SAP130: variants seen among roughly 807,000 people sequenced by gnomAD.
SAP130 encodes the protein histone deacetylase complex subunit SAP130.
SAP130 carries 16 observed loss-of-function variants against 103.2 expected under a neutral mutation model. The observed-to-expected ratio is 0.16, with a 90% CI of 0.10 to 0.24. The LOEUF is 0.24. SAP130 is among the 10% of genes least tolerant of loss of function. The pLI is 1.00. For missense variants in SAP130, 990 were observed against 1,359.7 expected (o/e 0.73, Z 4.28); for synonymous variants, 477 against 497.0 (o/e 0.96, Z 0.53).
chr2:127,957,413 G>T (rs549345110), intron 15 of SAP130, among the ~76,000 whole-genome samples: 1 of 152,214 alleles, frequency 6.6e-6, no homozygotes, highest in South Asian at 2.1e-4. Context: ...GGTGACTCAC[G>T]CCTATAATCC....
rs1365111729 is a variant in SAP130 at position 127,989,006 on chromosome 2, T to C, written c.1780+558A>G. ...AAATCTTCAATGAGAATACTACTTA[T>C]AAGGTGAATTTTTTCCCACAACTAG... On this transcript the variant is annotated intron_variant, in intron 13 of 20. Coordinates refer to ENST00000643581, the MANE Select transcript of SAP130 (RefSeq NM_001330301.2). The surrounding 1 kb of genome is among the most constrained non-coding windows in gnomAD (Gnocchi z 4.6). 6.6e-6 allele frequency among the ~76,000 whole-genome samples: 1 copy of C among 152,168 alleles called. No individual in the cohort carries two copies. Among genetic ancestry groups the C allele is most frequent in the Non-Finnish European group, 1.5e-5 (1 of 68,036 alleles).
At chr2:127,954,789 G>T (rs894237894) in intron 16 of SAP130, among the ~76,000 whole-genome samples, 197 bp downstream of exon 16, 10 of 152,142 alleles carry the variant, frequency 6.6e-5, no homozygotes, top group African/African-American at 1.2e-4. Context: ...TATTACAAAA[G>T]GGAAGCAAAG....
intron 3 of SAP130, among the ~76,000 whole-genome samples, chr2:128,016,779 C>T (rs1684819089): frequency 6.6e-6 from 1 of 152,198 alleles, no homozygotes; most frequent in Admixed American, 6.5e-5. Flanking sequence ...AAGCCACACA[C>T]ACAGTAAGAA....
chr2:127,989,672 C>G lies in SAP130; in HGVS notation c.1672G>C (p.Ala558Pro), dbSNP rs1439546734. Residue 558 changes from alanine (A) to proline (P), a missense_variant, in exon 13 of 21, where the codon GCA (alanine) becomes CCA (proline). Physicochemically the swap from Ala to Pro is conservative, Grantham distance 27. Coordinates refer to ENST00000643581, the MANE Select transcript of SAP130 (RefSeq NM_001330301.2). The surrounding 1 kb of genome is among the most constrained non-coding windows in gnomAD (Gnocchi z 4.6). The part of the protein sequence containing the change: ...APIGTPGIQP[A>P]PLGTQGIHSA... ...TGAATTCCCTGTGTGCCAAGTGGTG[C>G]AGGCTGTATCCCTGGGGTCCCAATG... is the stretch of plus-strand genomic sequence containing the variant. 6.2e-7 allele frequency: 1 copy of G among 1,614,200 alleles called. No individual in the cohort carries two copies.
chr2:127,954,021 C>A (rs1414304212), intron 16 of SAP130, among the ~76,000 whole-genome samples: 1 of 152,172 alleles, frequency 6.6e-6, no homozygotes, highest in Non-Finnish European at 1.5e-5. Context: ...CTGGAATAGA[C>A]TCCTATAGGT....
intron 15 of SAP130, among the ~76,000 whole-genome samples, chr2:127,967,157 G>C (rs928850374): frequency 2.0e-5 from 3 of 152,136 alleles, no homozygotes; most frequent in African/African-American, 7.2e-5. Flanking sequence ...TTTCAGTTAA[G>C]CAAAATGAAG....
chr2:127,996,908 C>T lies in SAP130; in HGVS notation c.1214-417G>A, dbSNP rs1683213148. Among the ~76,000 whole-genome samples the T allele has an allele frequency of 6.6e-6, 1 of 151,984 alleles. No individual in the cohort carries two copies. The highest frequency in any genetic ancestry group is 1.5e-5 in the Non-Finnish European group (1 of 68,010). On this transcript the variant is annotated intron_variant, in intron 10 of 20. Transcript: ENST00000643581. The surrounding 1 kb of genome is among the most constrained non-coding windows in gnomAD (Gnocchi z 4.3). ...CTCCAGCCTCACTCACAGACTGGGA[C>T]CCTGTCTCAAAATAAATAAATAAAC... is the stretch of plus-strand genomic sequence containing the variant.
intron 15 of SAP130, among the ~76,000 whole-genome samples, chr2:127,963,644 C>A (rs538022305): frequency 1.1e-4 from 17 of 152,290 alleles, no homozygotes; most frequent in African/African-American, 3.8e-4. Flanking sequence ...TCCCATGATT[C>A]CTATGTGTTA....
In SAP130 at chr2:127,996,980, C is replaced by A. The variant is rs1034419137; in HGVS notation, c.1214-489G>T. Among the ~76,000 whole-genome samples the A allele has an allele frequency of 6.6e-6, 1 of 152,078 alleles. No homozygotes were observed. The highest frequency in any genetic ancestry group is 1.5e-5 in the Non-Finnish European group (1 of 68,004). On this transcript the variant is annotated intron_variant, in intron 10 of 20. Coordinates refer to ENST00000643581, the MANE Select transcript of SAP130 (RefSeq NM_001330301.2). The surrounding 1 kb of genome is among the most constrained non-coding windows in gnomAD (Gnocchi z 4.3). Reference sequence around the variant, plus strand: ...CGGAAAAAACAAACAAACAAAAAACCTTGGATTCTACTCCAGGTCCATAAT... The same window carrying A: ...CGGAAAAAACAAACAAACAAAAAACATTGGATTCTACTCCAGGTCCATAAT...
rs545472828 is a variant in SAP130, at chr2:127,986,879, C to T, written c.1864G>A (p.Val622Met). ...CTAGCACTCTGGCTGTGGGTCTGCA[C>T]CACGGTTGTTGCTGCTGGAGCAGCA... ...FSAAPAATTV[V>M]QTHSQSASTN... is the part of the protein sequence containing the mutation. Residue 622 changes from valine (V) to methionine (M), a missense_variant, in exon 14 of 21, where the codon GTG (valine) becomes ATG (methionine). Physicochemically the swap from Val to Met is conservative, Grantham distance 21 (BLOSUM62 1). This residue lies in a region of SAP130 where 349 missense variants were observed against 384.1 expected (regional missense o/e 0.91). Coordinates refer to ENST00000643581, the MANE Select transcript of SAP130 (RefSeq NM_001330301.2). This position sits in a 1 kb window ranked among gnomAD's most constrained non-coding sequence, Gnocchi z 4.7. The T allele has an allele frequency of 1.2e-5, 19 of 1,614,238 alleles. No homozygotes were observed. In the East Asian group the frequency reaches 3.6e-4, roughly 30 times the overall value.
chr2:128,010,320 T>C lies in SAP130; in HGVS notation c.818A>G (p.Gln273Arg). 6.2e-7 allele frequency: 1 copy of C among 1,614,142 alleles called. No individual in the cohort carries two copies. Among genetic ancestry groups the C allele is most frequent in the South Asian group, 1.1e-5 (1 of 91,078 alleles). The change falls in exon 7 of 21, where the codon CAG (glutamine) becomes CGG (arginine). Residue 273 changes from glutamine (Q) to arginine (R), a missense_variant. This residue lies in a region of SAP130 where 336 missense variants were observed against 520.1 expected (regional missense o/e 0.65). Coordinates refer to ENST00000643581, the MANE Select transcript of SAP130 (RefSeq NM_001330301.2). ...CGCTGTCGTAGTGATGACTGGAGAC[T>C]GAGCTCTGGTGGCTGAGACAGTTGC... ...VVATVSATRA[Q>R]SPVITTTAAH...
chr2:127,999,657 A>G (rs1403977108), intron 10 of SAP130, 84 bp downstream of exon 10: 2 of 631,466 alleles, frequency 3.2e-6, no homozygotes, highest in South Asian at 7.9e-5. Flanking sequence ...GTAAAAATCA[A>G]TACTAGCCAT....
chr2:127,972,584 T>C (rs1573702259), intron 15 of SAP130, among the ~76,000 whole-genome samples: 1 of 151,894 alleles, frequency 6.6e-6, no homozygotes, highest in Non-Finnish European at 1.5e-5. Context: ...ATGGTGAAAC[T>C]CCGTCTCTAC....
chr2:127,990,214 C>T (rs1682692261), intron 12 of SAP130, among the ~76,000 whole-genome samples: 1 of 152,006 alleles, frequency 6.6e-6, no homozygotes, highest in Admixed American at 6.6e-5. Flanking sequence ...AGGTCAAGAA[C>T]CTCTGCTTTA....
chr2:128,007,295 T>A (rs1684047654), intron 7 of SAP130, among the ~76,000 whole-genome samples: 1 of 152,204 alleles, frequency 6.6e-6, no homozygotes, highest in African/African-American at 2.4e-5. Flanking sequence ...AATGAAGTGA[T>A]GTGCAGGCAT....
rs140175088 is a variant in SAP130 at position 127,993,262 on chromosome 2, G to C, written c.1402C>G (p.Pro468Ala). 5.6e-6 allele frequency: 9 copies of C among 1,613,976 alleles called. No homozygotes were observed. The highest frequency in any genetic ancestry group is 3.3e-5 in the Admixed American group (2 of 59,964). Residue 468 changes from proline (P) to alanine (A), a missense_variant, in exon 12 of 21, where the codon CCT becomes GCT. Pro to Ala is a conservative substitution (Grantham distance 27). This residue lies in a region of SAP130 where 336 missense variants were observed against 520.1 expected (regional missense o/e 0.65). Coordinates refer to ENST00000643581, the MANE Select transcript of SAP130 (RefSeq NM_001330301.2). ...TGTGCCGCCAGTGGGTATGCAGAAG[G>C]GGGGTAAGTTGGCAAAAAATATTGG... ...QFQYFLPTYP[P>A]SAYPLAAHTY...
chr2:127,942,044 T>C lies in SAP130; in HGVS notation c.3136A>G (p.Lys1046Glu). ...TTTCGCTTCAATTTGGACACTTTTT[T>C]GACAGTCCCGTTCTTGTTAAGCAGC... ...LKLLNKNGTVKKVSKLKRKEK... is the reference protein window; with the variant it reads ...LKLLNKNGTVEKVSKLKRKEK... Residue 1046 changes from lysine to glutamate, a missense_variant, in exon 21 of 21, where the codon AAA (lysine) becomes GAA (glutamate). Transcript: ENST00000643581. The surrounding 1 kb of genome is among the most constrained non-coding windows in gnomAD (Gnocchi z 4.8). 6.2e-7 allele frequency: 1 copy of C among 1,609,956 alleles called. No individual in the cohort carries two copies. Among genetic ancestry groups the C allele is most frequent in the Non-Finnish European group, 8.5e-7 (1 of 1,178,808 alleles).
In SAP130 at chr2:127,989,062, A is replaced by G. The variant is rs999119791; in HGVS notation, c.1780+502T>C. The stretch of plus-strand genomic sequence containing the variant: ...TTTAAAAAAGATAACACTTCTCATT[A>G]TGTTCAAATGAATACTAGGGCTGTT... On this transcript the variant is annotated intron_variant, in intron 13 of 20. Transcript: ENST00000643581. The surrounding 1 kb of genome is among the most constrained non-coding windows in gnomAD (Gnocchi z 4.6). Among the ~76,000 whole-genome samples the G allele has an allele frequency of 3.0e-4, 46 of 151,710 alleles. No individual in the cohort carries two copies. Among genetic ancestry groups the G allele is most frequent in the African/African-American group, 1.1e-3 (46 of 41,278 alleles).
At chr2:127,949,758 A>C in intron 18 of SAP130, 111 bp downstream of exon 18, 1 of 1,138,612 alleles carries the variant, frequency 8.8e-7, no homozygotes, top group Non-Finnish European at 1.3e-6. Context: ...TGTAACAAAA[A>C]CTTATGGTTT....
Sources: allele counts gnomAD v4.1 joint callset (sites outside exome capture counted in the v4.1 genomes callset), GRCh38; gene constraint gnomAD v4.1.1; regional missense constraint gnomAD v4.1.1; non-coding constraint Gnocchi (gnomAD v3.1); transcripts MANE v1.5; gene names NCBI Gene and HGNC (gene_info 2026-07-23, HGNC 2026-07-21).